The following PDE4D variants were observed in gnomAD, a reference collection of about 807,000 sequenced individuals.
The protein encoded by PDE4D is phosphodiesterase 4D, also known as 3',5'-cyclic-AMP phosphodiesterase 4D.
PDE4D carries 24 observed loss-of-function variants against 87.4 expected under a neutral mutation model. That is an observed-to-expected ratio of 0.27 (90% CI 0.20 to 0.39). The LOEUF (loss-of-function observed/expected upper bound fraction) is 0.39, where lower values mean the gene tolerates loss of function less well. Ranked by LOEUF, PDE4D falls within the 10% of genes least tolerant of loss-of-function variation. The pLI, the probability that PDE4D is intolerant of heterozygous loss-of-function variation, is 1.00. For missense variants in PDE4D, 714 were observed against 1,041.0 expected (o/e 0.69, Z 4.32); for synonymous variants, 384 against 383.2 (o/e 1.00, Z -0.02).
At chr5:59,874,958 G>T (rs569988292) in intron 1 of PDE4D, among the ~76,000 whole-genome samples, 1 of 152,206 alleles carries the variant, frequency 6.6e-6, no homozygotes, top group African/African-American at 2.4e-5. Context: ...AAGTGCACAG[G>T]GTACAAAAGT....
At chr5:60,092,776 C>T (rs999624833) in intron 2 of PDE4D, among the ~76,000 whole-genome samples, 4 of 152,136 alleles carry the variant, frequency 2.6e-5, no homozygotes, top group African/African-American at 9.7e-5. Context: ...GGAACTAATG[C>T]CAGATTTATT....
chr5:59,773,797 T>A (rs1391585392), intron 1 of PDE4D, among the ~76,000 whole-genome samples: 1 of 152,166 alleles, frequency 6.6e-6, no homozygotes, highest in African/African-American at 2.4e-5. Flanking sequence ...ACATGGTTTT[T>A]CAAATCATCA....
At chr5:59,665,149 C>T (rs1745866669) in intron 1 of PDE4D, among the ~76,000 whole-genome samples, 1 of 152,208 alleles carries the variant, frequency 6.6e-6, no homozygotes, top group African/African-American at 2.4e-5. Context: ...GGGGTAGCAA[C>T]AGTCAATTTG....
intron 1 of PDE4D, among the ~76,000 whole-genome samples, chr5:59,730,748 TG>T (rs1287078508): frequency 6.6e-6 from 1 of 152,164 alleles, no homozygotes; most frequent in African/African-American, 2.4e-5. Flanking sequence ...GATCAATTAT[TG>T]TAGTCATGTG....
At chr5:60,185,472 T>C (rs182773624) in intron 2 of PDE4D, 5 of 770,682 alleles carry the variant, frequency 6.5e-6, no homozygotes, top group Non-Finnish European at 1.1e-5. Context: ...CTAATCATGA[T>C]AGCATAGCAT....
At chr5:60,284,339 C>A (rs1229318602) in intron 1 of PDE4D, among the ~76,000 whole-genome samples, 1 of 152,098 alleles carries the variant, frequency 6.6e-6, no homozygotes, top group Non-Finnish European at 1.5e-5. Flanking sequence ...GAGTTATCTT[C>A]TGGGTAAAAA....
chr5:59,243,410 TAA>T (rs997479192), intron 1 of PDE4D, among the ~76,000 whole-genome samples: 1 of 147,348 alleles, frequency 6.8e-6, no homozygotes, highest in Non-Finnish European at 1.5e-5. Flanking sequence ...TTCCCTTTTT[TAA>T]AAAAGAGAAT....
At chr5:59,908,628 A>G (rs1285872357) in intron 3 of PDE4D, among the ~76,000 whole-genome samples, 2 of 152,206 alleles carry the variant, frequency 1.3e-5, no homozygotes, top group Non-Finnish European at 2.9e-5. Context: ...TTTATTCACT[A>G]TGGACTATAA....
At chr5:59,475,471 T>A (rs1803159264) in intron 1 of PDE4D, among the ~76,000 whole-genome samples, 1 of 152,114 alleles carries the variant, frequency 6.6e-6, no homozygotes, top group South Asian at 2.1e-4. Flanking sequence ...CAAGTCAATG[T>A]AGGAGATGGC....
intron 2 of PDE4D, among the ~76,000 whole-genome samples, chr5:60,144,351 T>C (rs1163568744): frequency 6.6e-6 from 1 of 152,240 alleles, no homozygotes; most frequent in African/African-American, 2.4e-5. Context: ...CCATATTAAA[T>C]GTGCCTGTTG....
intron 1 of PDE4D, among the ~76,000 whole-genome samples, chr5:59,302,046 CAG>C (rs138638406): frequency 0.029 from 4,438 of 152,212 alleles, 234 homozygotes; most frequent in African/African-American, 0.1. Context: ...GGCAAAACGT[CAG>C]AGTTTGCCTG....
intron 2 of PDE4D, among the ~76,000 whole-genome samples, chr5:60,104,598 C>T (rs188534144): frequency 1.2e-4 from 19 of 152,350 alleles, no homozygotes; most frequent in Admixed American, 4.6e-4. Context: ...AGCAGCCTAA[C>T]TGGGAGGCAC....
At chr5:59,972,455 C>A (rs1387092948) in intron 3 of PDE4D, among the ~76,000 whole-genome samples, 1 of 152,236 alleles carries the variant, frequency 6.6e-6, no homozygotes, top group African/African-American at 2.4e-5. Context: ...GACAAAGGAT[C>A]CGGCTTGTCA....
intron 2 of PDE4D, among the ~76,000 whole-genome samples, chr5:60,036,590 AGAATATTAGG>A (rs1433438292): frequency 2.0e-5 from 3 of 152,242 alleles, no homozygotes; most frequent in Non-Finnish European, 4.4e-5. Flanking sequence ...TCTTGTTAAA[AGAATATTAGG>A]GAATTCACAA....
chr5:60,313,981 C>T (rs948931164), intron 1 of PDE4D, among the ~76,000 whole-genome samples: 1 of 152,152 alleles, frequency 6.6e-6, no homozygotes, highest in African/African-American at 2.4e-5. Flanking sequence ...CAGCCAACAT[C>T]ATACTGAATA....
At position 59,616,945 on chromosome 5, in the gene PDE4D, A is replaced by ATC. The variant is rs1554043773; in HGVS notation, c.455+276221_455+276222dup. On this transcript the variant is annotated intron_variant, in intron 1 of 14. Coordinates refer to ENST00000340635, the MANE Select transcript of PDE4D (RefSeq NM_001104631.2). ...TATATATATATATATATATATATATATCTCCAAGATTTTAAAGTATTAGGT... is the reference window on the plus strand; with the variant it reads ...TATATATATATATATATATATATATATCTCTCCAAGATTTTAAAGTATTAGGT... Among the ~76,000 whole-genome samples, 12 of 137,278 alleles carry ATC rather than the reference A, an allele frequency of 8.7e-5. 1 individual carries two copies. The highest frequency in any genetic ancestry group is 3.8e-3 in the Middle Eastern group (1 of 264). The allele number at this position is 137,278 out of a possible 152,430, so 90.1% of individuals were successfully genotyped here.
At chr5:60,298,284 A>C (rs2149787477) in intron 1 of PDE4D, among the ~76,000 whole-genome samples, 1 of 152,338 alleles carries the variant, frequency 6.6e-6, no homozygotes, top group South Asian at 2.1e-4. Flanking sequence ...CTAACATAAA[A>C]GTGTTTACTA....
intron 1 of PDE4D, among the ~76,000 whole-genome samples, chr5:60,251,752 C>T (rs1040217386): frequency 2.6e-5 from 4 of 151,524 alleles, no homozygotes; most frequent in Non-Finnish European, 4.4e-5. Context: ...ATTGCTGGGC[C>T]GAATGGTAAA....
chr5:60,206,525 A>G (rs1188069711), intron 1 of PDE4D, among the ~76,000 whole-genome samples: 1 of 152,200 alleles, frequency 6.6e-6, no homozygotes, highest in Non-Finnish European at 1.5e-5. Context: ...CCTTTCATCT[A>G]AAGTTCTCAA....
Sources: gnomAD v4.1 joint callset for allele counts (sites outside exome capture counted in the v4.1 genomes callset) on GRCh38, gnomAD v4.1.1 for gene constraint, MANE v1.5 for transcripts, NCBI Gene and HGNC (gene_info 2026-07-23, HGNC 2026-07-21) for gene names.